The following INPP5A variants were observed in gnomAD, a reference collection of about 807,000 sequenced individuals.
The protein encoded by INPP5A is inositol polyphosphate-5-phosphatase A, also known as 43 kDa inositol polyphosphate 5-phophatase.
A neutral mutation model predicts 65.2 loss-of-function variants in INPP5A; 14 were observed. The ratio of observed to expected loss-of-function variants is 0.21; its 90% CI spans 0.14 to 0.34. The LOEUF is 0.34. Among genes scored for constraint, INPP5A ranks in the 10% least tolerant of loss-of-function variants. The pLI, the probability that INPP5A is intolerant of heterozygous loss-of-function variation, is 1.00. For missense variants in INPP5A, 431 were observed against 545.6 expected (o/e 0.79, Z 2.09); for synonymous variants, 207 against 208.3 (o/e 0.99, Z 0.05).
chr10:132,624,276 C>A (rs78237308), intron 2 of INPP5A, among the ~76,000 whole-genome samples: 1 of 152,206 alleles, frequency 6.6e-6, no homozygotes, highest in Non-Finnish European at 1.5e-5. Context: ...CACATGGAAG[C>A]GGGGGAGCTG....
rs1031033515 is a variant in INPP5A at position 132,749,623 on chromosome 10, C to T, written c.828+11C>T. 9.9e-6 allele frequency: 16 copies of T among 1,611,726 alleles called. No individual in the cohort carries two copies. The highest frequency in any genetic ancestry group is 1.3e-5 in the Non-Finnish European group (15 of 1,179,036). ...GACAACGACCGGAAGGTGAGCGGGG[C>T]CTGTGACTGGGCAGGTGACGCACGG... On this transcript the variant is annotated intron_variant, in intron 10 of 15. Transcript: ENST00000368594.
At chr10:132,755,399 CGAGT>C (rs1454781229) in intron 11 of INPP5A, among the ~76,000 whole-genome samples, 4 of 141,378 alleles carry the variant, frequency 2.8e-5, no homozygotes, top group African/African-American at 8.0e-5. Context: ...CAGGTGTGAG[CGAGT>C]GTGTGTGAGC....
At chr10:132,722,051 G>T (rs1166273942) in intron 8 of INPP5A, among the ~76,000 whole-genome samples, 1 of 152,186 alleles carries the variant, frequency 6.6e-6, no homozygotes, top group African/African-American at 2.4e-5. Flanking sequence ...ATGCAGTGAG[G>T]TGTTTATGAT....
chr10:132,634,020 T>C (rs2072306481), intron 2 of INPP5A, among the ~76,000 whole-genome samples: 1 of 152,220 alleles, frequency 6.6e-6, no homozygotes, highest in African/African-American at 2.4e-5. Context: ...ACTATTTCAG[T>C]AGGTATTTCA....
intron 9 of INPP5A, among the ~76,000 whole-genome samples, chr10:132,747,010 G>A (rs1441034392): frequency 2.6e-5 from 4 of 152,228 alleles, no homozygotes; most frequent in African/African-American, 9.7e-5. Flanking sequence ...TCAGATGTTT[G>A]TCCTTTGGGA....
rs962434127 is a variant in INPP5A, at chr10:132,711,236, C to T, written c.647+780C>T. 3.3e-5 allele frequency among the ~76,000 whole-genome samples: 5 copies of T among 152,264 alleles called. 1 individual carries two copies. In the East Asian group the frequency reaches 5.8e-4, roughly 18 times the overall value. ...GCTCCGGGCTGCTCCACCGGTGATA[C>T]TGTGGAGATGACGGGCTGTCACTGG... On this transcript the variant is annotated intron_variant, in intron 8 of 15. Transcript: ENST00000368594.
In INPP5A at chr10:132,718,163, T is replaced by C. The variant is rs1337428093; in HGVS notation, c.647+7707T>C. ...TTAGACAGCTGTCTTCAGGGTTCTG[T>C]GGTACCTGGGTTCTGTCTGGGCGCC... On this transcript the variant is annotated intron_variant, in intron 8 of 15. Coordinates refer to ENST00000368594, the MANE Select transcript of INPP5A (RefSeq NM_005539.5). Among the ~76,000 whole-genome samples, 15 of 147,536 alleles carry C rather than the reference T, an allele frequency of 1.0e-4. 1 individual carries two copies. Among genetic ancestry groups the C allele is most frequent in the African/African-American group, 3.5e-4 (14 of 39,628 alleles).
At chr10:132,726,315 G>T (rs1291026681) in intron 8 of INPP5A, among the ~76,000 whole-genome samples, 2 of 151,932 alleles carry the variant, frequency 1.3e-5, no homozygotes, top group Non-Finnish European at 2.9e-5. Context: ...AGGAGAGAGC[G>T]GGGGCTCCGG....
At chr10:132,751,237 C>T (rs1331214618) in intron 11 of INPP5A, among the ~76,000 whole-genome samples, 1 of 152,256 alleles carries the variant, frequency 6.6e-6, no homozygotes, top group African/African-American at 2.4e-5. Context: ...GTGCCTGGGC[C>T]TCCTGTGCCC....
intron 1 of INPP5A, among the ~76,000 whole-genome samples, chr10:132,558,280 C>T (rs534182377): frequency 1.1e-4 from 16 of 152,148 alleles, no homozygotes; most frequent in Non-Finnish European, 1.2e-4. Context: ...CCCCGGCCCA[C>T]GCGCTGAGCA....
chr10:132,695,701 A>C (rs1002665960), intron 5 of INPP5A, among the ~76,000 whole-genome samples: 1 of 152,256 alleles, frequency 6.6e-6, no homozygotes, highest in Admixed American at 6.5e-5. Context: ...CCTGTGTAGC[A>C]GCAATGAACA....
intron 1 of INPP5A, among the ~76,000 whole-genome samples, chr10:132,565,738 T>C (rs1483255587): frequency 3.3e-5 from 5 of 151,426 alleles, no homozygotes; most frequent in African/African-American, 1.2e-4. Context: ...TGTGTGTGTG[T>C]GTGCGCCGTT....
chr10:132,607,314 C>T (rs893647642), intron 1 of INPP5A, among the ~76,000 whole-genome samples: 13 of 152,276 alleles, frequency 8.5e-5, no homozygotes, highest in Middle Eastern at 6.8e-3. Context: ...CGTGTGTGCA[C>T]GTGTGTGCAC....
At chr10:132,595,331 T>G (rs2133320158) in intron 1 of INPP5A, among the ~76,000 whole-genome samples, 1 of 141,464 alleles carries the variant, frequency 7.1e-6, no homozygotes, top group Admixed American at 6.9e-5. Context: ...TTATTTTGTG[T>G]TCAATCCATT....
At chr10:132,716,973 GA>G (rs1439087446) in intron 8 of INPP5A, among the ~76,000 whole-genome samples, 1 of 152,214 alleles carries the variant, frequency 6.6e-6, no homozygotes, top group Non-Finnish European at 1.5e-5. Context: ...CAGACACTGA[GA>G]AGGCACATAC....
chr10:132,676,910 A>G lies in INPP5A; in HGVS notation c.307-13482A>G, dbSNP rs947897761. Among the ~76,000 whole-genome samples the G allele has an allele frequency of 6.6e-5, 10 of 152,010 alleles. No individual in the cohort carries two copies. The highest frequency in any genetic ancestry group is 7.2e-5 in the African/African-American group (3 of 41,384). On this transcript the variant is annotated intron_variant, in intron 4 of 15. Transcript: ENST00000368594. The surrounding 1 kb of genome is among the most constrained non-coding windows in gnomAD (Gnocchi z 4.0). ...TTCCCCAGCTTTGAGGCCCATCCAC[A>G]TGGTGACCCCCACCGTCACCCAGGC...
At chr10:132,565,927 A>G in intron 1 of INPP5A, among the ~76,000 whole-genome samples, 1 of 151,870 alleles carries the variant, frequency 6.6e-6, no homozygotes, top group Non-Finnish European at 1.5e-5. Context: ...AGGTACCTTC[A>G]GTGGAGTCTT....
intron 11 of INPP5A, among the ~76,000 whole-genome samples, chr10:132,763,616 CAT>C (rs140046632): frequency 6.7e-4 from 102 of 151,956 alleles, no homozygotes; most frequent in African/African-American, 2.3e-3. Context: ...CAAACACACA[CAT>C]GCCTGTGCAC....
intron 9 of INPP5A, among the ~76,000 whole-genome samples, chr10:132,742,020 C>T (rs1433557326): frequency 6.6e-6 from 1 of 152,210 alleles, no homozygotes; most frequent in Non-Finnish European, 1.5e-5. Flanking sequence ...TCACGAGTCT[C>T]CTGGAGAGGA....
Sources: gnomAD v4.1 joint callset for allele counts (sites outside exome capture counted in the v4.1 genomes callset) on GRCh38, gnomAD v4.1.1 for gene constraint, Gnocchi (gnomAD v3.1) non-coding constraint, MANE v1.5 for transcripts, NCBI Gene and HGNC (gene_info 2026-07-23, HGNC 2026-07-21) for gene names.